Variants in NSUN6 observed in about 807,000 individuals in gnomAD.
NSUN6 encodes NOP2/Sun RNA methyltransferase 6.
NSUN6 carries 64 observed loss-of-function variants against 58.0 expected under a neutral mutation model. The ratio of observed to expected loss-of-function variants is 1.10; its 90% CI spans 0.90 to 1.36. NSUN6 has a LOEUF of 1.36. Ranked by LOEUF, NSUN6 falls within the 40% of genes most tolerant of loss-of-function variation. The pLI is 0.00. For synonymous variants in NSUN6, 231 were observed against 193.9 expected, an observed-to-expected ratio of 1.19 and a Z score of -1.59; for missense variants, 701 against 550.1, an observed-to-expected ratio of 1.27 and a Z score of -2.74.
At chr10:18,562,004 T>G (rs2055550200) in intron 8 of NSUN6, among the ~76,000 whole-genome samples, 1 of 143,648 alleles carries the variant, frequency 7.0e-6, no homozygotes, top group Non-Finnish European at 1.5e-5. Flanking sequence ...AATGGAGAAT[T>G]GAAAGGAATG....
intron 6 of NSUN6, among the ~76,000 whole-genome samples, chr10:18,605,333 T>A (rs978077145): frequency 2.0e-5 from 3 of 151,828 alleles, no homozygotes; most frequent in African/African-American, 7.3e-5. Context: ...TATAAATCAT[T>A]GAAAAAATAG....
chr10:18,651,569 T>C lies in NSUN6; in HGVS notation c.-366A>G, dbSNP rs956040126. ...GTAAGCCAGGCTGACAGCAGCTCGGTCCCTTTATCTTTTCTATCAATTTCC... is the reference window on the plus strand; with the variant it reads ...GTAAGCCAGGCTGACAGCAGCTCGGCCCCTTTATCTTTTCTATCAATTTCC... On this transcript the variant is annotated 5_prime_UTR_variant, in exon 1 of 11. Transcript: ENST00000377304. The C allele has an allele frequency of 1.7e-5, 17 of 996,828 alleles. No individual in the cohort carries two copies. The African/African-American group carries it at 2.9e-4, about 17-fold the overall frequency. 61.7% of individuals were successfully genotyped at this position (996,828 alleles called of 1,614,324 possible).
intron 5 of NSUN6, among the ~76,000 whole-genome samples, chr10:18,610,492 G>C (rs1459123873): frequency 6.6e-6 from 1 of 152,206 alleles, no homozygotes; most frequent in Non-Finnish European, 1.5e-5. Flanking sequence ...GCACAAATGT[G>C]TTTCTGTAGA....
intron 5 of NSUN6, among the ~76,000 whole-genome samples, chr10:18,611,738 GTGTGTGTGTGTC>G (rs1333620395): frequency 2.6e-5 from 4 of 151,684 alleles, no homozygotes; most frequent in African/African-American, 9.7e-5. Context: ...GTGTGTGTGT[GTGTGTGTGTGTC>G]TGTGTGTGTA....
intron 3 of NSUN6, among the ~76,000 whole-genome samples, chr10:18,616,644 C>T (rs1478518652): frequency 6.6e-6 from 1 of 152,132 alleles, no homozygotes; most frequent in East Asian, 1.9e-4. Context: ...CAAGGAATTA[C>T]AAAAACATTT....
At chr10:18,577,744 C>A (rs909892525) in intron 8 of NSUN6, among the ~76,000 whole-genome samples, 1 of 152,196 alleles carries the variant, frequency 6.6e-6, no homozygotes, top group Non-Finnish European at 1.5e-5. Flanking sequence ...TTCCTCGTAA[C>A]CCAACCTTTA....
intron 3 of NSUN6, among the ~76,000 whole-genome samples, chr10:18,639,867 A>C (rs1452711490): frequency 6.6e-6 from 1 of 152,250 alleles, no homozygotes; most frequent in Non-Finnish European, 1.5e-5. Flanking sequence ...TGTAGAGGGT[A>C]ATCTGGTAAT....
At chr10:18,589,074 A>C (rs991818372) in intron 7 of NSUN6, among the ~76,000 whole-genome samples, 11 of 152,342 alleles carry the variant, frequency 7.2e-5, no homozygotes, top group African/African-American at 2.2e-4. Flanking sequence ...GAGGAACATA[A>C]ATGACCTGAT....
upstream of NSUN6, among the ~76,000 whole-genome samples, chr10:18,653,918 G>T (rs1449276513): frequency 2.6e-5 from 4 of 152,144 alleles, no homozygotes; most frequent in African/African-American, 7.2e-5. Flanking sequence ...AGGGAGGACT[G>T]AAACAATTTT....
intron 3 of NSUN6, among the ~76,000 whole-genome samples, chr10:18,638,623 T>C (rs1394904306): frequency 1.3e-5 from 2 of 152,062 alleles, no homozygotes; most frequent in Non-Finnish European, 2.9e-5. Flanking sequence ...ACAATAACAT[T>C]TGATGCCACA....
At chr10:18,642,752 T>A (rs961290708) in intron 2 of NSUN6, among the ~76,000 whole-genome samples, 197 bp from the exon 3 acceptor site, 1 of 152,148 alleles carries the variant, frequency 6.6e-6, no homozygotes, top group African/African-American at 2.4e-5. Context: ...TTCTGAAGTA[T>A]CCTAACTTCC....
intron 3 of NSUN6, among the ~76,000 whole-genome samples, chr10:18,630,728 A>G (rs1288889997): frequency 6.6e-6 from 1 of 152,234 alleles, no homozygotes; most frequent in Non-Finnish European, 1.5e-5. Flanking sequence ...CTCTGAATAG[A>G]CCAATAACAG....
intron 8 of NSUN6, among the ~76,000 whole-genome samples, chr10:18,582,967 G>C (rs899645075): frequency 2.6e-5 from 4 of 152,212 alleles, no homozygotes; most frequent in South Asian, 2.1e-4. Flanking sequence ...CCTCTGAGAC[G>C]AAGCTCAGCC....
At chr10:18,574,915 C>G (rs1267666079) in intron 8 of NSUN6, among the ~76,000 whole-genome samples, 1 of 152,114 alleles carries the variant, frequency 6.6e-6, no homozygotes, top group African/African-American at 2.4e-5. Context: ...GAGGAAATAA[C>G]CCAGCAGATC....
intron 9 of NSUN6, among the ~76,000 whole-genome samples, chr10:18,548,781 A>G (rs1053380838): frequency 6.6e-6 from 1 of 152,088 alleles, no homozygotes; most frequent in African/African-American, 2.4e-5. Context: ...ACATGTCCCA[A>G]AATGAACTCC....
intron 8 of NSUN6, among the ~76,000 whole-genome samples, chr10:18,567,918 A>G (rs1019095843): frequency 1.4e-5 from 2 of 142,018 alleles, no homozygotes; most frequent in Non-Finnish European, 3.1e-5. Context: ...ATTCCATTCC[A>G]TTTTCCATTC....
intron 3 of NSUN6, among the ~76,000 whole-genome samples, chr10:18,620,515 CAAAT>C (rs1202835891): frequency 6.6e-6 from 1 of 152,196 alleles, no homozygotes; most frequent in Non-Finnish European, 1.5e-5. Context: ...ACTCTGAAAA[CAAAT>C]AGCCAAACCT....
chr10:18,611,909 G>A (rs2058252933), intron 5 of NSUN6, among the ~76,000 whole-genome samples: 1 of 152,094 alleles, frequency 6.6e-6, no homozygotes, highest in African/African-American at 2.4e-5. Context: ...AATAAATGCT[G>A]ACTCCTTTTC....
chr10:18,557,527 G>C (rs1292527733), intron 8 of NSUN6, among the ~76,000 whole-genome samples: 2 of 151,478 alleles, frequency 1.3e-5, no homozygotes, highest in East Asian at 3.9e-4. Flanking sequence ...AGGGAGAATG[G>C]AATGGAATGG....
Sources: allele counts gnomAD v4.1 joint callset (sites outside exome capture counted in the v4.1 genomes callset), GRCh38; gene constraint gnomAD v4.1.1; transcripts MANE v1.5; gene names NCBI Gene and HGNC (gene_info 2026-07-23, HGNC 2026-07-21).